The following MRPL22 variants were observed in gnomAD, a reference collection of about 807,000 sequenced individuals.
The protein encoded by MRPL22 is large ribosomal subunit protein uL22m.
Under a neutral mutation model 32.4 loss-of-function variants are expected in MRPL22, and 27 were observed. The observed-to-expected ratio is 0.83, with a 90% CI of 0.61 to 1.15. The LOEUF is 1.15. MRPL22 is among the 50% of genes most tolerant of loss of function. The pLI is 0.00. For synonymous variants in MRPL22, 86 were observed against 87.3 expected, an observed-to-expected ratio of 0.99 and a Z score of 0.08; for missense variants, 239 against 260.2, an observed-to-expected ratio of 0.92 and a Z score of 0.56.
intron 2 of MRPL22, among the ~76,000 whole-genome samples, chr5:154,944,923 A>G (rs2113531260): frequency 6.6e-6 from 1 of 152,356 alleles, no homozygotes; most frequent in African/African-American, 2.4e-5. Context: ...AACAATGACA[A>G]AAAGGAGAGG....
chr5:154,950,276 C>T (rs1485428176), intron 2 of MRPL22, among the ~76,000 whole-genome samples: 1 of 152,174 alleles, frequency 6.6e-6, no homozygotes, highest in Non-Finnish European at 1.5e-5. Context: ...GTCCCTCCCT[C>T]AACATGTATG....
chr5:154,968,257 G>A lies in MRPL22; in HGVS notation c.*1360G>A, dbSNP rs1764795650. 6.6e-6 allele frequency: 1 copy of A among 152,208 alleles called. No individual in the cohort carries two copies. The allele number at this position is 152,208 out of a possible 1,614,324, so 9.4% of individuals were successfully genotyped here. ...TTTGTGTCTCTCCAGTTAACCTAAT[G>A]CATGGGTAAAAAGACATCAGGGGTC... is the stretch of plus-strand genomic sequence containing the variant. On this transcript the variant is annotated 3_prime_UTR_variant, in exon 7 of 7. Transcript: ENST00000523037.
intron 4 of MRPL22, 23 bp downstream of exon 4, chr5:154,956,459 A>G: frequency 6.7e-7 from 1 of 1,499,788 alleles, no homozygotes; most frequent in Non-Finnish European, 9.2e-7. Flanking sequence ...GACTATTACC[A>G]TATAATTAAT....
At chr5:154,957,446 A>G (rs983840508) in intron 5 of MRPL22, among the ~76,000 whole-genome samples, 2 of 152,082 alleles carry the variant, frequency 1.3e-5, no homozygotes, top group African/African-American at 2.4e-5. Context: ...CCAAATATTT[A>G]TCTGTTTTTT....
At position 154,950,705 on chromosome 5, in the gene MRPL22, T is replaced by G. The variant is rs1028300588; in HGVS notation, c.78-116T>G. The G allele has an allele frequency of 2.0e-5, 15 of 752,386 alleles. No homozygotes were observed. The African/African-American group carries it at 2.6e-4, about 13-fold the overall frequency. The allele number at this position is 752,386 out of a possible 1,614,324, so 46.6% of individuals were successfully genotyped here. On this transcript the variant is annotated intron_variant, in intron 2 of 6. Coordinates refer to ENST00000523037, the MANE Select transcript of MRPL22 (RefSeq NM_014180.4). The stretch of plus-strand genomic sequence containing the variant: ...TGAATACCTCTAGAATATTTCCAGT[T>G]GTGATCCTTAAATTGTTTTCATCAA...
intron 2 of MRPL22, among the ~76,000 whole-genome samples, chr5:154,945,527 A>G (rs1306365399): frequency 3.3e-5 from 5 of 152,230 alleles, no homozygotes; most frequent in Admixed American, 6.5e-5. Flanking sequence ...GGAGTCATCA[A>G]TGCATGGATA....
intron 4 of MRPL22, chr5:154,956,923 CTA>C: frequency 2.0e-6 from 1 of 508,594 alleles, no homozygotes; most frequent in Non-Finnish European, 3.5e-6. Context: ...GTTATTGAAA[CTA>C]TTATAATCTC....
At position 154,945,708 on chromosome 5, in the gene MRPL22, C is replaced by T. The variant is rs1193280122; in HGVS notation, c.77+4443C>T. On this transcript the variant is annotated intron_variant, in intron 2 of 6. Transcript: ENST00000523037. ...GGCCAGAGAGGGGAGAAGAAAACCCCAAGTGTCCTGGAACCCAATTAAAGA... is the reference window on the plus strand; with the variant it reads ...GGCCAGAGAGGGGAGAAGAAAACCCTAAGTGTCCTGGAACCCAATTAAAGA... 3.3e-5 allele frequency among the ~76,000 whole-genome samples: 5 copies of T among 152,250 alleles called. No individual in the cohort carries two copies. The East Asian group carries it at 9.7e-4, about 29-fold the overall frequency.
chr5:154,965,315 CTTA>C (rs1205318108), intron 6 of MRPL22, among the ~76,000 whole-genome samples: 1 of 152,112 alleles, frequency 6.6e-6, no homozygotes, highest in Non-Finnish European at 1.5e-5. Context: ...TTTTAAAAGG[CTTA>C]TTAACTAAAC....
At chr5:154,955,353 T>C (rs1764617695) in intron 3 of MRPL22, 1 of 152,216 alleles carries the variant, frequency 6.6e-6, no homozygotes, top group South Asian at 2.1e-4. Flanking sequence ...TGTTAGAAAG[T>C]TTTGAGACCT....
intron 2 of MRPL22, among the ~76,000 whole-genome samples, chr5:154,944,386 G>T (rs902356325): frequency 6.6e-6 from 1 of 152,174 alleles, no homozygotes; most frequent in African/African-American, 2.4e-5. Context: ...GAGCCACCAA[G>T]CCTGTCTGTA....
At chr5:154,952,751 GTCCCTTAGAATT>G (rs1275433697) in intron 3 of MRPL22, among the ~76,000 whole-genome samples, 1 of 152,118 alleles carries the variant, frequency 6.6e-6, no homozygotes. Flanking sequence ...AATATACAAT[GTCCCTTAGAATT>G]TCCAATCTGC....
chr5:154,943,678 A>AT (rs946048561), intron 2 of MRPL22, among the ~76,000 whole-genome samples: 100 of 146,256 alleles, frequency 6.8e-4, no homozygotes, highest in East Asian at 1.2e-3. Context: ...AGATATTAAA[A>AT]TTTTTTTTTT....
chr5:154,967,200 G>A lies in MRPL22; in HGVS notation c.*303G>A. On this transcript the variant is annotated 3_prime_UTR_variant, in exon 7 of 7. Coordinates refer to ENST00000523037, the MANE Select transcript of MRPL22 (RefSeq NM_014180.4). This position sits in a 1 kb window ranked among gnomAD's most constrained non-coding sequence, Gnocchi z 4.7. ...ACTTTCCAACTAGTGTCCTGCAGGT[G>A]GCTGTTTTGATACTGGACTTGAATA... 1 of 339,260 alleles carries A rather than the reference G, an allele frequency of 2.9e-6. No homozygotes were observed. The highest frequency in any genetic ancestry group is 5.5e-6 in the Non-Finnish European group (1 of 182,566). 21.0% of individuals were successfully genotyped at this position (339,260 alleles called of 1,614,324 possible).
At chr5:154,943,902 A>G (rs1267060294) in intron 2 of MRPL22, among the ~76,000 whole-genome samples, 1 of 151,988 alleles carries the variant, frequency 6.6e-6, no homozygotes, top group Non-Finnish European at 1.5e-5. Context: ...GGGCTTAAGT[A>G]ATCTCCCACC....
At chr5:154,956,821 A>G (rs1221999142) in intron 4 of MRPL22, 2 of 346,072 alleles carry the variant, frequency 5.8e-6, no homozygotes, top group Non-Finnish European at 1.0e-5. Context: ...TACATGTAAT[A>G]CATTTATCCT....
chr5:154,959,733 T>C (rs1276227429), intron 5 of MRPL22, among the ~76,000 whole-genome samples: 1 of 152,218 alleles, frequency 6.6e-6, no homozygotes, highest in Non-Finnish European at 1.5e-5. Context: ...GCTATCTCCT[T>C]TATAGCTTAC....
chr5:154,960,630 A>G (rs1242663641), intron 6 of MRPL22, among the ~76,000 whole-genome samples: 2 of 152,214 alleles, frequency 1.3e-5, no homozygotes, highest in Admixed American at 6.5e-5. Context: ...TTCCACATCA[A>G]ATTAAATTAA....
At chr5:154,950,725 C>A in intron 2 of MRPL22, 96 bp from the exon 3 acceptor site, 2 of 801,756 alleles carry the variant, frequency 2.5e-6, no homozygotes, top group Admixed American at 2.2e-5. Context: ...AAATTGTTTT[C>A]ATCAAAATGG....
Sources: gnomAD v4.1 joint callset for allele counts (sites outside exome capture counted in the v4.1 genomes callset) on GRCh38, gnomAD v4.1.1 for gene constraint, Gnocchi (gnomAD v3.1) non-coding constraint, MANE v1.5 for transcripts, NCBI Gene and HGNC (gene_info 2026-07-23, HGNC 2026-07-21) for gene names.